Variants in PPM1L observed in about 807,000 individuals in gnomAD.
PPM1L encodes the protein protein phosphatase 1L.
Under a neutral mutation model 31.4 loss-of-function variants are expected in PPM1L, and 13 were observed. The observed-to-expected ratio is 0.41, with a 90% confidence interval of 0.27 to 0.66. PPM1L has a LOEUF of 0.66. PPM1L is among the 30% of genes least tolerant of loss of function. The pLI is 0.29. For synonymous variants in PPM1L, 184 were observed against 175.4 expected, an observed-to-expected ratio of 1.05 and a Z score of -0.39; for missense variants, 326 against 453.7, an observed-to-expected ratio of 0.72 and a Z score of 2.56.
At chr3:160,929,036 T>C (rs915612846) in intron 1 of PPM1L, among the ~76,000 whole-genome samples, 8 of 152,150 alleles carry the variant, frequency 5.3e-5, no homozygotes, top group African/African-American at 1.9e-4. Context: ...CAGTTTTTTG[T>C]TTTGTTTTGC....
At chr3:161,005,971 T>TA (rs1240732289) in intron 2 of PPM1L, among the ~76,000 whole-genome samples, 4 of 150,324 alleles carry the variant, frequency 2.7e-5, no homozygotes, top group African/African-American at 7.4e-5. Context: ...AAAGATGCAT[T>TA]AAAAAAACAT....
rs1164212309 is a variant in PPM1L, at chr3:161,077,271, A to AT, written c.*8115dup. The stretch of plus-strand genomic sequence containing the variant: ...CCAACACTCAAGCAAACTGCAGAAG[A>AT]TAATTACTCCATTTTACTAGCTCAC... On this transcript the variant is annotated 3_prime_UTR_variant, in exon 4 of 4. Transcript: ENST00000498165. 1.3e-5 allele frequency: 2 copies of AT among 152,190 alleles called. No homozygotes were observed. The highest frequency in any genetic ancestry group is 1.3e-4 in the Admixed American group (2 of 15,276). The allele number at this position is 152,190 out of a possible 1,614,324, so 9.4% of individuals were successfully genotyped here.
intron 2 of PPM1L, among the ~76,000 whole-genome samples, chr3:161,052,970 TA>T (rs1302246512): frequency 6.6e-6 from 1 of 152,182 alleles, no homozygotes; most frequent in Non-Finnish European, 1.5e-5. Flanking sequence ...AAGTTCCTGT[TA>T]TACCCCACTC....
At chr3:160,793,405 T>A (rs1165023951) in intron 1 of PPM1L, among the ~76,000 whole-genome samples, 1 of 151,982 alleles carries the variant, frequency 6.6e-6, no homozygotes, top group East Asian at 1.9e-4. Context: ...TGAGAGGGAC[T>A]TTGATAATTG....
chr3:161,047,072 G>T (rs1299869212), intron 2 of PPM1L, among the ~76,000 whole-genome samples: 10 of 152,144 alleles, frequency 6.6e-5, no homozygotes, highest in Admixed American at 6.5e-4. Flanking sequence ...TCAACATAGT[G>T]TTGGAAGTTC....
intron 2 of PPM1L, 69 bp from the exon 3 acceptor site, chr3:161,065,334 A>G: frequency 6.7e-7 from 1 of 1,483,002 alleles, no homozygotes; most frequent in Non-Finnish European, 9.3e-7. Context: ...GAATCCAGTT[A>G]CCACAAGAAG....
At chr3:160,908,102 C>G (rs761725649) in intron 1 of PPM1L, among the ~76,000 whole-genome samples, 9 of 152,290 alleles carry the variant, frequency 5.9e-5, no homozygotes, top group Non-Finnish European at 1.2e-4. Flanking sequence ...CTGTGTTTGG[C>G]TATTAGCCTA....
chr3:160,808,203 A>G (rs951843907), intron 1 of PPM1L, among the ~76,000 whole-genome samples: 1 of 152,092 alleles, frequency 6.6e-6, no homozygotes, highest in African/African-American at 2.4e-5. Flanking sequence ...TTTTCTGCTT[A>G]ATCAACTCTG....
chr3:160,955,914 A>G (rs1258936646), intron 1 of PPM1L, among the ~76,000 whole-genome samples: 1 of 152,076 alleles, frequency 6.6e-6, no homozygotes, highest in Non-Finnish European at 1.5e-5. Context: ...TCAGCCTCCC[A>G]AAGTGCTGGG....
At chr3:160,791,572 AG>A (rs1379142041) in intron 1 of PPM1L, among the ~76,000 whole-genome samples, 2 of 152,152 alleles carry the variant, frequency 1.3e-5, no homozygotes, top group Non-Finnish European at 2.9e-5. Context: ...GTATTGTTCC[AG>A]GGGCTGACAT....
chr3:161,050,967 G>C (rs1200137907), intron 2 of PPM1L, among the ~76,000 whole-genome samples: 2 of 152,068 alleles, frequency 1.3e-5, no homozygotes, highest in African/African-American at 2.4e-5. Flanking sequence ...CTTAAAAGTT[G>C]CTCCTTTCAT....
chr3:161,040,039 A>T (rs1049924995), intron 2 of PPM1L, among the ~76,000 whole-genome samples: 2 of 152,176 alleles, frequency 1.3e-5, no homozygotes, highest in Admixed American at 1.3e-4. Context: ...CTGGGTATAA[A>T]TCTACTGGGT....
At chr3:160,947,715 T>C (rs901194732) in intron 1 of PPM1L, among the ~76,000 whole-genome samples, 2 of 152,164 alleles carry the variant, frequency 1.3e-5, no homozygotes, top group Non-Finnish European at 2.9e-5. Flanking sequence ...TCATGGGTAG[T>C]GGTGACAAGC....
intron 2 of PPM1L, among the ~76,000 whole-genome samples, chr3:161,033,556 A>G (rs556946606): frequency 3.3e-5 from 5 of 152,348 alleles, no homozygotes; most frequent in Admixed American, 3.3e-4. Flanking sequence ...CAACTATCTG[A>G]TCTTTGACAA....
intron 1 of PPM1L, among the ~76,000 whole-genome samples, chr3:160,940,282 G>T (rs1559895132): frequency 6.6e-6 from 1 of 152,168 alleles, no homozygotes; most frequent in Non-Finnish European, 1.5e-5. Flanking sequence ...CAATAGAAAA[G>T]AAAAACCCAT....
At chr3:160,861,227 A>G (rs926159729) in intron 1 of PPM1L, among the ~76,000 whole-genome samples, 2 of 152,160 alleles carry the variant, frequency 1.3e-5, no homozygotes, top group African/African-American at 4.8e-5. Flanking sequence ...AGTACAATGG[A>G]AGTTGTATAG....
chr3:161,047,384 G>A (rs1298141200), intron 2 of PPM1L, among the ~76,000 whole-genome samples: 14 of 152,192 alleles, frequency 9.2e-5, no homozygotes, highest in Non-Finnish European at 1.6e-4. Flanking sequence ...TACAAGGGAT[G>A]TGAAGGACCT....
chr3:160,891,720 T>C lies in PPM1L; in HGVS notation c.400-70016T>C, dbSNP rs545489999. On this transcript the variant is annotated intron_variant, in intron 1 of 3. Transcript: ENST00000498165. ...CACGTATGTTTATTGCAGCACTATT[T>C]ACAACAGCAAAGTCATGGAACCAAC... Among the ~76,000 whole-genome samples, 9 of 152,294 alleles carry C rather than the reference T, an allele frequency of 5.9e-5. No homozygotes were observed. In the South Asian group the frequency reaches 1.9e-3, roughly 32 times the overall value.
Position 160,944,851 on chromosome 3 carries a change from CAT to C in PPM1L, c.400-16880_400-16879del, listed in dbSNP as rs1307312476. 7.3e-4 allele frequency among the ~76,000 whole-genome samples: 24 copies of C among 32,804 alleles called. 1 individual carries two copies. The highest frequency in any genetic ancestry group is 3.1e-3 in the Admixed American group (9 of 2,936). The allele number at this position is 32,804 out of a possible 152,430, so 21.5% of individuals were successfully genotyped here. Reference sequence around the variant, plus strand: ...TATAACATATATATGTTATATATAACATATATTATATATAATGTTATATATAA... The same window carrying C: ...TATAACATATATATGTTATATATAACATATTATATATAATGTTATATATAA... On this transcript the variant is annotated intron_variant, in intron 1 of 3. Coordinates refer to ENST00000498165, the MANE Select transcript of PPM1L (RefSeq NM_139245.4).
Sources: allele counts gnomAD v4.1 joint callset (sites outside exome capture counted in the v4.1 genomes callset), GRCh38; gene constraint gnomAD v4.1.1; transcripts MANE v1.5; gene names NCBI Gene and HGNC (gene_info 2026-07-23, HGNC 2026-07-21).